The following ELP4 variants were observed in gnomAD, a reference collection of about 807,000 sequenced individuals.
The protein encoded by ELP4 is elongator acetyltransferase complex subunit 4.
In ELP4, 51 loss-of-function variants were observed where a neutral mutation model predicts 48.9. The observed-to-expected ratio is 1.04, with a 90% CI of 0.83 to 1.32. The LOEUF (loss-of-function observed/expected upper bound fraction) is 1.32, where lower values mean the gene tolerates loss of function less well. Among genes scored for constraint, ELP4 ranks in the 40% most tolerant of loss-of-function variants. The pLI, the probability that ELP4 is intolerant of heterozygous loss-of-function variation, is 0.00. For synonymous variants in ELP4, 210 were observed against 189.2 expected, an observed-to-expected ratio of 1.11 and a Z score of -0.90; for missense variants, 519 against 514.6, an observed-to-expected ratio of 1.01 and a Z score of -0.08.
chr11:31,776,994 CTG>C (rs1948261944), intron 9 of ELP4, among the ~76,000 whole-genome samples: 1 of 152,178 alleles, frequency 6.6e-6, no homozygotes, highest in South Asian at 2.1e-4. Context: ...ATTGTTTCCA[CTG>C]GCCTATTCAT....
chr11:31,637,535 C>T (rs1283193863), intron 7 of ELP4, among the ~76,000 whole-genome samples: 1 of 151,952 alleles, frequency 6.6e-6, no homozygotes, highest in Admixed American at 6.6e-5. Flanking sequence ...TGGCTACACT[C>T]AGCATTGTGC....
intron 9 of ELP4, among the ~76,000 whole-genome samples, chr11:31,758,380 G>A (rs1484118406): frequency 6.6e-6 from 1 of 152,160 alleles, no homozygotes; most frequent in African/African-American, 2.4e-5. Context: ...ATATAGTGAA[G>A]AAATTAGAAA....
intron 9 of ELP4, among the ~76,000 whole-genome samples, chr11:31,772,500 C>G (rs750770571): frequency 2.0e-5 from 3 of 152,082 alleles, no homozygotes; most frequent in Non-Finnish European, 4.4e-5. Context: ...GTGCATTGTC[C>G]CTCCTAATCT....
intron 6 of ELP4, among the ~76,000 whole-genome samples, chr11:31,630,317 G>A (rs182866492): frequency 1.3e-4 from 18 of 141,022 alleles, no homozygotes; most frequent in Non-Finnish European, 1.8e-4. Flanking sequence ...GAGCAACAAT[G>A]TTATCTTCTC....
intron 3 of ELP4, among the ~76,000 whole-genome samples, chr11:31,584,994 A>G (rs1483092124): frequency 2.0e-5 from 3 of 152,206 alleles, no homozygotes; most frequent in Non-Finnish European, 4.4e-5. Context: ...TTTCTAAAGT[A>G]TATTTAAGAA....
At chr11:31,552,536 T>C (rs980287310) in intron 3 of ELP4, among the ~76,000 whole-genome samples, 5 of 152,150 alleles carry the variant, frequency 3.3e-5, no homozygotes, top group Non-Finnish European at 2.9e-5. Context: ...TCAGTTAATA[T>C]CAACTCACAT....
chr11:31,716,867 T>G (rs1946851485), intron 9 of ELP4, among the ~76,000 whole-genome samples: 1 of 152,214 alleles, frequency 6.6e-6, no homozygotes, highest in African/African-American at 2.4e-5. Flanking sequence ...TGATGCCAAG[T>G]GCAGTAAGAA....
At chr11:31,744,924 C>G (rs1947546601) in intron 9 of ELP4, among the ~76,000 whole-genome samples, 3 of 152,108 alleles carry the variant, frequency 2.0e-5, no homozygotes, top group Non-Finnish European at 2.9e-5. Flanking sequence ...AAAGGGTATT[C>G]AATTAGGAAA....
In ELP4 at chr11:31,611,436, A is replaced by G. The variant is rs537030207; in HGVS notation, c.653+7529A>G. On this transcript the variant is annotated intron_variant, in intron 5 of 9. Coordinates refer to ENST00000640961, the MANE Select transcript of ELP4 (RefSeq NM_019040.5). ...TCTCCAATGATTCCCCAACTCATTC[A>G]GGATAGTAAATCCACGACCCTACAA... Among the ~76,000 whole-genome samples, 6 of 152,292 alleles carry G rather than the reference A, an allele frequency of 3.9e-5. No homozygotes were observed. In the South Asian group the frequency reaches 1.0e-3, roughly 26 times the overall value.
intron 4 of ELP4, among the ~76,000 whole-genome samples, chr11:31,602,154 GT>G (rs1338487757): frequency 2.0e-5 from 3 of 152,034 alleles, no homozygotes; most frequent in African/African-American, 4.8e-5. Flanking sequence ...TCAGATCAAA[GT>G]TCAGTTAGTC....
intron 5 of ELP4, among the ~76,000 whole-genome samples, chr11:31,614,861 C>T (rs182864950): frequency 1.1e-4 from 17 of 152,270 alleles, no homozygotes; most frequent in Admixed American, 4.6e-4. Flanking sequence ...GTAAATCTAA[C>T]GAACTTCCAT....
rs538789396 is a variant in ELP4, at chr11:31,667,648, A to G, written c.1143+17427A>G. Among the ~76,000 whole-genome samples, 307 of 152,302 alleles carry G rather than the reference A, an allele frequency of 2.0e-3. 1 individual carries two copies. The highest frequency in any genetic ancestry group is 7.0e-3 in the African/African-American group (292 of 41,588). On this transcript the variant is annotated intron_variant, in intron 9 of 9. Transcript: ENST00000640961. ...GAAGAACACTGTCAAAATGAAGTTT[A>G]TATAATTCCACATTTTTAAAATTTC...
chr11:31,541,346 TA>T (rs1554957955), intron 3 of ELP4: 2 of 152,226 alleles, frequency 1.3e-5, no homozygotes, highest in Non-Finnish European at 1.5e-5. Context: ...ATCTCTTTTG[TA>T]GTTGTTTACT....
At chr11:31,655,715 A>AT (rs1945419162) in intron 9 of ELP4, among the ~76,000 whole-genome samples, 1 of 152,106 alleles carries the variant, frequency 6.6e-6, no homozygotes, top group East Asian at 1.9e-4. Context: ...TTTCCCTTTG[A>AT]TTTTTTGATG....
intron 9 of ELP4, among the ~76,000 whole-genome samples, chr11:31,672,434 G>C (rs1302306149): frequency 6.6e-6 from 1 of 152,170 alleles, no homozygotes; most frequent in Non-Finnish European, 1.5e-5. Flanking sequence ...ATTTATTCCA[G>C]TGCTGTGAAA....
intron 3 of ELP4, among the ~76,000 whole-genome samples, chr11:31,556,872 T>G (rs1390760158): frequency 1.3e-5 from 2 of 151,890 alleles, no homozygotes; most frequent in African/African-American, 4.8e-5. Flanking sequence ...TATCAGCATA[T>G]TAGAACTACC....
rs78658203 is a variant in ELP4, at chr11:31,713,139, A to G, written c.1143+62918A>G. ...AATTACTTCTGCTGAATTTTCCTCA[A>G]TGCAAATCAGGCAGGTTGCATAAAG... On this transcript the variant is annotated intron_variant, in intron 9 of 9. Coordinates refer to ENST00000640961, the MANE Select transcript of ELP4 (RefSeq NM_019040.5). Among the ~76,000 whole-genome samples the G allele has an allele frequency of 3.6e-3, 554 of 152,296 alleles. 7 individuals carry two copies. The highest frequency in any genetic ancestry group is 0.034 in the East Asian group (177 of 5,184).
chr11:31,735,569 G>C (rs939356428), intron 9 of ELP4, among the ~76,000 whole-genome samples: 5 of 152,098 alleles, frequency 3.3e-5, no homozygotes, highest in Non-Finnish European at 7.3e-5. Context: ...TGTATATCTA[G>C]AAAACCCCAT....
chr11:31,722,162 A>G (rs1475641716), intron 9 of ELP4, among the ~76,000 whole-genome samples: 1 of 152,236 alleles, frequency 6.6e-6, no homozygotes, highest in African/African-American at 2.4e-5. Context: ...AAACACGTCT[A>G]TCCAACCTGG....
Sources: gnomAD v4.1 joint callset for allele counts (sites outside exome capture counted in the v4.1 genomes callset) on GRCh38, gnomAD v4.1.1 for gene constraint, MANE v1.5 for transcripts, NCBI Gene and HGNC (gene_info 2026-07-23, HGNC 2026-07-21) for gene names.